PPM1H: variants seen among roughly 807,000 people sequenced by gnomAD.
PPM1H encodes protein phosphatase, Mg2+/Mn2+ dependent 1H.
A neutral mutation model predicts 54.9 loss-of-function variants in PPM1H; 27 were observed. The observed-to-expected ratio is 0.49, with a 90% CI of 0.36 to 0.68. The LOEUF is 0.68. Among genes scored for constraint, PPM1H ranks in the 30% least tolerant of loss-of-function variants. The probability of loss-of-function intolerance (pLI) is 0.00; values close to 1 mark genes in which losing one functional copy is unlikely to be tolerated. For missense variants in PPM1H, 596 were observed against 667.8 expected, an observed-to-expected ratio of 0.89 and a Z score of 1.19; for synonymous variants, 305 against 270.8, an observed-to-expected ratio of 1.13 and a Z score of -1.24.
intron 1 of PPM1H, among the ~76,000 whole-genome samples, chr12:62,915,363 C>T (rs906311856): frequency 6.6e-6 from 1 of 152,216 alleles, no homozygotes; most frequent in Non-Finnish European, 1.5e-5. Flanking sequence ...GCTGTCTGCT[C>T]CAGCACTGGC....
chr12:62,658,594 G>C (rs1032988903), intron 9 of PPM1H, among the ~76,000 whole-genome samples: 3 of 152,042 alleles, frequency 2.0e-5, no homozygotes, highest in Admixed American at 1.3e-4. Context: ...GATCTTTAGG[G>C]CTTAAAAGAG....
intron 1 of PPM1H, among the ~76,000 whole-genome samples, chr12:62,913,946 G>A (rs1274877522): frequency 6.6e-6 from 1 of 152,030 alleles, no homozygotes; most frequent in African/African-American, 2.4e-5. Context: ...GTGACCCGCT[G>A]GCCTCAGCCT....
At chr12:62,788,970 C>T (rs2076689136) in intron 3 of PPM1H, among the ~76,000 whole-genome samples, 1 of 151,944 alleles carries the variant, frequency 6.6e-6, no homozygotes, top group African/African-American at 2.4e-5. Flanking sequence ...AAGCAATCTG[C>T]CTGCCTCGGC....
chr12:62,753,123 C>T (rs2076451162), intron 4 of PPM1H, among the ~76,000 whole-genome samples: 1 of 152,086 alleles, frequency 6.6e-6, no homozygotes, highest in African/African-American at 2.4e-5. Context: ...GGAATGCATA[C>T]AGAAAAAGGG....
In PPM1H at chr12:62,795,725, C is replaced by T. The variant is rs546741025; in HGVS notation, c.756+6091G>A. Among the ~76,000 whole-genome samples, 205 of 152,188 alleles carry T rather than the reference C, an allele frequency of 1.3e-3. 2 individuals are homozygous for T. Among genetic ancestry groups the T allele is most frequent in the Admixed American group, 7.5e-3 (114 of 15,294 alleles). On this transcript the variant is annotated intron_variant, in intron 3 of 9. Coordinates refer to ENST00000228705, the MANE Select transcript of PPM1H (RefSeq NM_020700.2). Reference sequence around the variant, plus strand: ...GGGATTACAGGCGTGAGCCACCACGCCCAGCCTTGTTTTGTTTTTGAGACA... The same window carrying T: ...GGGATTACAGGCGTGAGCCACCACGTCCAGCCTTGTTTTGTTTTTGAGACA...
intron 4 of PPM1H, among the ~76,000 whole-genome samples, chr12:62,744,950 C>T (rs895383594): frequency 3.3e-5 from 5 of 152,318 alleles, no homozygotes; most frequent in South Asian, 2.1e-4. Context: ...CTCCTGCCAG[C>T]GCTGCATGTC....
At chr12:62,821,748 G>C (rs909642275) in intron 2 of PPM1H, among the ~76,000 whole-genome samples, 1 of 152,190 alleles carries the variant, frequency 6.6e-6, no homozygotes, top group Non-Finnish European at 1.5e-5. Context: ...CCTTACAAGA[G>C]CTCCTGAAGG....
chr12:62,654,208 A>C (rs2075831135), intron 9 of PPM1H, among the ~76,000 whole-genome samples: 1 of 100,048 alleles, frequency 1.0e-5, no homozygotes, highest in African/African-American at 4.1e-5. Flanking sequence ...ACAGAGAGAG[A>C]CTCTTTCTCA....
chr12:62,874,235 T>C (rs1870086291), intron 1 of PPM1H, among the ~76,000 whole-genome samples: 3 of 151,762 alleles, frequency 2.0e-5, no homozygotes, highest in Admixed American at 2.0e-4. Flanking sequence ...GAGATAAGAG[T>C]GACAGGTGAA....
chr12:62,910,581 T>C (rs1278039891), intron 1 of PPM1H, among the ~76,000 whole-genome samples: 1 of 152,264 alleles, frequency 6.6e-6, no homozygotes, highest in African/African-American at 2.4e-5. Flanking sequence ...TGACAATTTT[T>C]AGAGAAAATT....
intron 6 of PPM1H, among the ~76,000 whole-genome samples, chr12:62,703,033 A>G (rs1300614614): frequency 6.6e-6 from 1 of 152,212 alleles, no homozygotes; most frequent in Non-Finnish European, 1.5e-5. Flanking sequence ...ATGTCTGGGA[A>G]CATCCTTTGT....
chr12:62,823,817 C>T (rs1868255310), intron 2 of PPM1H, among the ~76,000 whole-genome samples: 1 of 152,176 alleles, frequency 6.6e-6, no homozygotes, highest in African/African-American at 2.4e-5. Context: ...AAACTGGAAG[C>T]ATTCCCTTTG....
At chr12:62,776,311 C>A (rs1004533669) in intron 4 of PPM1H, among the ~76,000 whole-genome samples, 3 of 152,196 alleles carry the variant, frequency 2.0e-5, no homozygotes, top group African/African-American at 7.2e-5. Flanking sequence ...CCCTTGCTGT[C>A]GCATTTGAAA....
chr12:62,854,186 T>C (rs888213579), intron 1 of PPM1H, among the ~76,000 whole-genome samples: 1 of 152,152 alleles, frequency 6.6e-6, no homozygotes, highest in African/African-American at 2.4e-5. Flanking sequence ...AGCAGCACAT[T>C]TACTGTTGAA....
intron 1 of PPM1H, among the ~76,000 whole-genome samples, chr12:62,908,143 G>A (rs1385506309): frequency 1.3e-5 from 2 of 152,194 alleles, no homozygotes; most frequent in Admixed American, 6.5e-5. Context: ...GCTGGGTGCG[G>A]TGGCTCATGC....
chr12:62,706,572 A>G (rs2076175624), intron 6 of PPM1H, among the ~76,000 whole-genome samples: 1 of 152,234 alleles, frequency 6.6e-6, no homozygotes, highest in Non-Finnish European at 1.5e-5. Flanking sequence ...AAACTTACAT[A>G]ATCCTCACTG....
chr12:62,685,583 T>C (rs2076046668), intron 8 of PPM1H, among the ~76,000 whole-genome samples: 1 of 152,198 alleles, frequency 6.6e-6, no homozygotes, highest in African/African-American at 2.4e-5. Flanking sequence ...CTCACAGTGT[T>C]GTTGTGAAGA....
At chr12:62,742,805 G>A (rs762837620) in intron 4 of PPM1H, among the ~76,000 whole-genome samples, 34 of 152,116 alleles carry the variant, frequency 2.2e-4, no homozygotes, top group Non-Finnish European at 4.3e-4. Context: ...CGGGGTTGAG[G>A]TGATTTAATC....
chr12:62,853,472 T>C (rs1000779563), intron 1 of PPM1H, among the ~76,000 whole-genome samples: 6 of 152,086 alleles, frequency 3.9e-5, no homozygotes, highest in East Asian at 1.9e-4. Flanking sequence ...TTCAAAATTA[T>C]AGAAAAAGGA....
Sources: allele counts gnomAD v4.1 joint callset (sites outside exome capture counted in the v4.1 genomes callset), GRCh38; gene constraint gnomAD v4.1.1; transcripts MANE v1.5; gene names NCBI Gene and HGNC (gene_info 2026-07-23, HGNC 2026-07-21).